Variants in HCN1 observed in about 807,000 individuals in gnomAD.
HCN1 encodes potassium/sodium hyperpolarization-activated cyclic nucleotide-gated channel 1.
A neutral mutation model predicts 78.9 loss-of-function variants in HCN1; 13 were observed. That is an observed-to-expected ratio of 0.16 (90% CI 0.11 to 0.26). The LOEUF (loss-of-function observed/expected upper bound fraction) is 0.26, where lower values mean the gene tolerates loss of function less well. Ranked by LOEUF, HCN1 falls within the 10% of genes least tolerant of loss-of-function variation. The pLI is 1.00. For synonymous variants in HCN1, 552 were observed against 455.5 expected (o/e 1.21, Z -2.70); for missense variants, 810 against 1,154.3 (o/e 0.70, Z 4.32).
chr5:45,372,092 TA>T (rs1158922497), intron 4 of HCN1, among the ~76,000 whole-genome samples: 2 of 52,442 alleles, frequency 3.8e-5, no homozygotes, highest in East Asian at 6.8e-4. Flanking sequence ...TATAATTATA[TA>T]TATATTTTAT....
At chr5:45,495,992 A>T (rs1437742016) in intron 2 of HCN1, among the ~76,000 whole-genome samples, 1 of 152,080 alleles carries the variant, frequency 6.6e-6, no homozygotes, top group African/African-American at 2.4e-5. Flanking sequence ...GTGCTGCTGG[A>T]TTCGGTTTGC....
At chr5:45,602,415 T>G (rs1292857977) in intron 2 of HCN1, among the ~76,000 whole-genome samples, 1 of 152,108 alleles carries the variant, frequency 6.6e-6, no homozygotes, top group Admixed American at 6.6e-5. Context: ...GCGAGAAGGC[T>G]TCCATAAGCC....
chr5:45,667,013 G>A (rs555756757), intron 1 of HCN1, among the ~76,000 whole-genome samples: 6 of 152,062 alleles, frequency 3.9e-5, no homozygotes, highest in Admixed American at 6.6e-5. Flanking sequence ...TTAAAGCTAT[G>A]AAAAAACATG....
At chr5:45,588,074 A>C (rs1744271848) in intron 2 of HCN1, among the ~76,000 whole-genome samples, 1 of 152,160 alleles carries the variant, frequency 6.6e-6, no homozygotes, top group African/African-American at 2.4e-5. Flanking sequence ...TCTGTCGTTT[A>C]TGTGCCACCA....
chr5:45,268,878 T>C (rs893888104), intron 6 of HCN1, among the ~76,000 whole-genome samples: 2 of 152,170 alleles, frequency 1.3e-5, no homozygotes, highest in African/African-American at 2.4e-5. Context: ...TACTGTAATA[T>C]AAACAAGGTA....
At chr5:45,585,296 ACT>A (rs1744188240) in intron 2 of HCN1, among the ~76,000 whole-genome samples, 1 of 151,766 alleles carries the variant, frequency 6.6e-6, no homozygotes, top group Non-Finnish European at 1.5e-5. Context: ...CATCACTGAT[ACT>A]CTTTCTTCCA....
At chr5:45,434,207 A>G (rs954596625) in intron 3 of HCN1, among the ~76,000 whole-genome samples, 6 of 152,158 alleles carry the variant, frequency 3.9e-5, no homozygotes, top group African/African-American at 1.4e-4. Context: ...GATGCAACCT[A>G]TTTTCTCTCT....
At chr5:45,577,583 C>T (rs1258638316) in intron 2 of HCN1, among the ~76,000 whole-genome samples, 1 of 151,890 alleles carries the variant, frequency 6.6e-6, no homozygotes. Flanking sequence ...TTTTACAAAA[C>T]ATTTGGCCTC....
chr5:45,654,095 TATATTGC>T (rs1745725509), intron 1 of HCN1, among the ~76,000 whole-genome samples: 1 of 152,086 alleles, frequency 6.6e-6, no homozygotes, highest in African/African-American at 2.4e-5. Context: ...CAAGGGGACT[TATATTGC>T]ATCATTCAAA....
chr5:45,436,485 T>C (rs1740562556), intron 3 of HCN1, among the ~76,000 whole-genome samples: 1 of 152,100 alleles, frequency 6.6e-6, no homozygotes, highest in Non-Finnish European at 1.5e-5. Context: ...AGGTCACCAA[T>C]CATGATAGAA....
At chr5:45,523,873 C>A (rs1230949005) in intron 2 of HCN1, among the ~76,000 whole-genome samples, 1 of 152,144 alleles carries the variant, frequency 6.6e-6, no homozygotes, top group African/African-American at 2.4e-5. Flanking sequence ...AATTAGATCC[C>A]ATTTGTCAAT....
intron 2 of HCN1, among the ~76,000 whole-genome samples, chr5:45,521,720 G>T (rs1742617384): frequency 6.6e-6 from 1 of 151,904 alleles, no homozygotes; most frequent in South Asian, 2.1e-4. Flanking sequence ...CTTTTGCAGG[G>T]AGGGGATAAA....
chr5:45,678,803 A>C (rs1033462349), intron 1 of HCN1, among the ~76,000 whole-genome samples: 2 of 151,998 alleles, frequency 1.3e-5, no homozygotes, highest in African/African-American at 4.8e-5. Flanking sequence ...GAATAAGAAC[A>C]TTTCTATTTT....
chr5:45,657,634 T>C (rs535251652), intron 1 of HCN1, among the ~76,000 whole-genome samples: 33 of 152,304 alleles, frequency 2.2e-4, no homozygotes, highest in African/African-American at 7.2e-4. Flanking sequence ...TGAACTCCCA[T>C]TTACAATTGC....
chr5:45,327,777 G>A (rs919032377), intron 5 of HCN1, among the ~76,000 whole-genome samples: 1 of 151,494 alleles, frequency 6.6e-6, no homozygotes, highest in Non-Finnish European at 1.5e-5. Context: ...AGGAAATTTG[G>A]ACACACAGAA....
chr5:45,314,293 T>A (rs1218721837), intron 5 of HCN1, among the ~76,000 whole-genome samples: 1 of 152,056 alleles, frequency 6.6e-6, no homozygotes, highest in African/African-American at 2.4e-5. Flanking sequence ...AATAAAATAC[T>A]TTACAGACAA....
intron 3 of HCN1, among the ~76,000 whole-genome samples, chr5:45,414,778 T>G (rs1325270644): frequency 1.3e-5 from 2 of 152,054 alleles, no homozygotes; most frequent in Non-Finnish European, 2.9e-5. Flanking sequence ...TTCCCATTCC[T>G]GCCTAGTGCT....
chr5:45,636,435 A>G (rs1745357653), intron 2 of HCN1, among the ~76,000 whole-genome samples: 1 of 152,206 alleles, frequency 6.6e-6, no homozygotes, highest in Non-Finnish European at 1.5e-5. Context: ...CAGAGAAAGG[A>G]AAAACTAAGA....
intron 2 of HCN1, among the ~76,000 whole-genome samples, chr5:45,552,803 G>C (rs1219453935): frequency 6.6e-6 from 1 of 151,816 alleles, no homozygotes; most frequent in Non-Finnish European, 1.5e-5. Context: ...TTGTGTTGAA[G>C]ACAAGCAAAT....
Sources: allele counts gnomAD v4.1 joint callset (sites outside exome capture counted in the v4.1 genomes callset), GRCh38; gene constraint gnomAD v4.1.1; transcripts MANE v1.5; gene names NCBI Gene and HGNC (gene_info 2026-07-23, HGNC 2026-07-21).